Variants in SAMMSON observed in about 807,000 individuals in gnomAD.
SAMMSON encodes long intergenic non-protein coding RNA 1212.
At chr3:70,237,979 C>CTTTTTTTTTTTT (rs71672662) in intron 4 of SAMMSON, among the ~76,000 whole-genome samples, 1,378 of 48,930 alleles carry the variant, frequency 0.028, 462 homozygotes, top group African/African-American at 0.048. Flanking sequence ...TGAGTGGTAT[C>CTTTTTTTTTTTT]TTTTTTTTTT....
chr3:70,115,167 C>T (rs956251204), intron 4 of SAMMSON, among the ~76,000 whole-genome samples: 1 of 145,026 alleles, frequency 6.9e-6, no homozygotes, highest in African/African-American at 2.6e-5. Context: ...CTTTGGCCAT[C>T]TCAATAATCC....
chr3:70,040,404 T>C (rs2067101725), intron 3 of SAMMSON, among the ~76,000 whole-genome samples: 1 of 152,096 alleles, frequency 6.6e-6, no homozygotes, highest in Admixed American at 6.6e-5. Context: ...GGGTCACCAG[T>C]CTGGGAAACA....
intron 7 of SAMMSON, among the ~76,000 whole-genome samples, chr3:70,350,268 G>A (rs1194180003): frequency 6.6e-6 from 1 of 152,090 alleles, no homozygotes; most frequent in Non-Finnish European, 1.5e-5. Flanking sequence ...CTATACCAAA[G>A]CTACGTTTTC....
At chr3:70,325,240 C>T (rs1210992115) in intron 7 of SAMMSON, among the ~76,000 whole-genome samples, 2 of 152,122 alleles carry the variant, frequency 1.3e-5, no homozygotes, top group Admixed American at 1.3e-4. Flanking sequence ...GGGGCATTAA[C>T]CATTCTGTTA....
chr3:70,196,886 G>A (rs1002932362), intron 4 of SAMMSON: 13 of 398,300 alleles, frequency 3.3e-5, no homozygotes, highest in Middle Eastern at 6.3e-4. Flanking sequence ...ATTTCCCACC[G>A]TGGCCAAAAG....
chr3:70,081,200 G>A lies in SAMMSON; in HGVS notation n.507+9635G>A, dbSNP rs193088122. Among the ~76,000 whole-genome samples, 1,337 of 152,200 alleles carry A rather than the reference G, an allele frequency of 8.8e-3. 6 individuals are homozygous for A. The highest frequency in any genetic ancestry group is 0.012 in the Non-Finnish European group (825 of 67,994). On this transcript the variant is annotated intron_variant and non_coding_transcript_variant, in intron 4 of 9. Coordinates refer to ENST00000642114, the Ensembl canonical transcript of SAMMSON. ...GCGATCTCTGCTCACTGCAAGCTCCGCCTCCAGGCTTCACTCCATTCTCCT... is the reference window on the plus strand; with the variant it reads ...GCGATCTCTGCTCACTGCAAGCTCCACCTCCAGGCTTCACTCCATTCTCCT...
At chr3:70,293,045 C>CCAAA (rs1702253903) in intron 7 of SAMMSON, among the ~76,000 whole-genome samples, 2 of 74,820 alleles carry the variant, frequency 2.7e-5, no homozygotes, top group African/African-American at 8.2e-5. Flanking sequence ...TGGTTTGAAG[C>CCAAA]AAAAAAAAAA....
At chr3:70,223,560 A>G (rs1701478264) in intron 4 of SAMMSON, among the ~76,000 whole-genome samples, 1 of 152,114 alleles carries the variant, frequency 6.6e-6, no homozygotes, top group Middle Eastern at 3.2e-3. Context: ...TGTCTCCCCC[A>G]CCAAAAATGA....
intron 2 of SAMMSON, among the ~76,000 whole-genome samples, chr3:70,416,471 G>A (rs961892123): frequency 3.9e-5 from 6 of 152,056 alleles, no homozygotes; most frequent in African/African-American, 1.4e-4. Flanking sequence ...CTATATCTTA[G>A]CAGTGTATTA....
intron 7 of SAMMSON, among the ~76,000 whole-genome samples, chr3:70,303,958 C>T (rs759753416): frequency 1.4e-4 from 21 of 152,198 alleles, no homozygotes; most frequent in Non-Finnish European, 2.8e-4. Flanking sequence ...GCTGGAATTA[C>T]AGGCATGAGC....
chr3:70,240,724 G>A (rs930865249), intron 4 of SAMMSON, among the ~76,000 whole-genome samples: 2 of 152,092 alleles, frequency 1.3e-5, no homozygotes, highest in African/African-American at 4.8e-5. Context: ...GTGCATTTCA[G>A]AAACCCCTAG....
intron 7 of SAMMSON, among the ~76,000 whole-genome samples, chr3:70,312,184 C>G (rs1220286192): frequency 6.6e-6 from 1 of 152,118 alleles, no homozygotes; most frequent in Non-Finnish European, 1.5e-5. Flanking sequence ...TATGATATTT[C>G]TTTGCCCAGC....
rs80356104 is a variant in SAMMSON at position 70,041,368 on chromosome 3, T to C, written n.417+27696T>C. Among the ~76,000 whole-genome samples, 607 of 152,278 alleles carry C rather than the reference T, an allele frequency of 4.0e-3. 6 individuals carry two copies. Among genetic ancestry groups the C allele is most frequent in the African/African-American group, 0.014 (584 of 41,564 alleles). On this transcript the variant is annotated intron_variant and non_coding_transcript_variant, in intron 3 of 9. Transcript: ENST00000642114. ...TTTAGGGAAATCACATAGTGTCTGC[T>C]TCTACGTTAAAATTTAATTATTGCT...
At chr3:70,019,786 A>C (rs1302106403) in intron 3 of SAMMSON, among the ~76,000 whole-genome samples, 1 of 152,136 alleles carries the variant, frequency 6.6e-6, no homozygotes, top group Non-Finnish European at 1.5e-5. Flanking sequence ...GGTGGTGACA[A>C]ACAGAAGTGC....
chr3:70,161,208 A>G (rs1038973192), intron 4 of SAMMSON, among the ~76,000 whole-genome samples: 1 of 152,030 alleles, frequency 6.6e-6, no homozygotes, highest in South Asian at 2.1e-4. Context: ...CTTCCAGTAC[A>G]TTGTTGAAAA....
chr3:70,269,336 A>G (rs1701952859), intron 6 of SAMMSON, among the ~76,000 whole-genome samples: 1 of 152,200 alleles, frequency 6.6e-6, no homozygotes, highest in Non-Finnish European at 1.5e-5. Context: ...AAAGGTTTCT[A>G]TGAATATACT....
intron 4 of SAMMSON, among the ~76,000 whole-genome samples, chr3:70,194,012 G>GC (rs1701152865): frequency 6.6e-6 from 1 of 152,170 alleles, no homozygotes; most frequent in South Asian, 2.1e-4. Flanking sequence ...AATTTTGTAG[G>GC]CCTATCAGCT....
chr3:70,323,495 TG>T (rs1293368548), intron 7 of SAMMSON, among the ~76,000 whole-genome samples: 1 of 152,160 alleles, frequency 6.6e-6, no homozygotes, highest in Non-Finnish European at 1.5e-5. Flanking sequence ...TGTTGTAAGC[TG>T]GTACATGCAG....
intron 4 of SAMMSON, among the ~76,000 whole-genome samples, chr3:70,200,843 A>G (rs1701230000): frequency 6.6e-6 from 1 of 152,004 alleles, no homozygotes; most frequent in South Asian, 2.1e-4. Flanking sequence ...CAACTGTAAG[A>G]TCGTAGAGCA....
Sources: gnomAD v4.1 joint callset for allele counts (sites outside exome capture counted in the v4.1 genomes callset) on GRCh38, gnomAD v4.1.1 for gene constraint, MANE v1.5 for transcripts, NCBI Gene and HGNC (gene_info 2026-07-23, HGNC 2026-07-21) for gene names.